Variants in VPS13C observed in about 807,000 individuals in gnomAD.
VPS13C encodes vacuolar protein sorting 13 homolog C.
Under a neutral mutation model 456.8 loss-of-function variants are expected in VPS13C, and 358 were observed. The ratio of observed to expected loss-of-function variants is 0.78; its 90% CI spans 0.72 to 0.86. VPS13C has a LOEUF of 0.86. VPS13C is among the 40% of genes least tolerant of loss of function. The pLI is 0.00. For synonymous variants in VPS13C, 1,578 were observed against 1,486.7 expected, an observed-to-expected ratio of 1.06 and a Z score of -1.41; for missense variants, 4,818 against 4,385.4, an observed-to-expected ratio of 1.10 and a Z score of -2.79.
chr15:62,037,474 T>A, intron 3 of VPS13C, among the ~76,000 whole-genome samples: 3 of 108,486 alleles, frequency 2.8e-5, no homozygotes, highest in African/African-American at 5.1e-5. Context: ...TATAATAAAT[T>A]TATTATATTG....
At chr15:61,877,986 T>C (rs1021436133) in intron 74 of VPS13C, among the ~76,000 whole-genome samples, 2 of 148,538 alleles carry the variant, frequency 1.3e-5, no homozygotes, top group African/African-American at 4.8e-5. Context: ...ATTATTTTCA[T>C]TGATTTTGTT....
At chr15:61,894,136 T>C (rs1242791318) in intron 66 of VPS13C, among the ~76,000 whole-genome samples, 1 of 151,984 alleles carries the variant, frequency 6.6e-6, no homozygotes, top group East Asian at 1.9e-4. Flanking sequence ...TGAAACCCCA[T>C]CTCTACTAAA....
chr15:61,875,971 T>C (rs1895394919), intron 75 of VPS13C, 126 bp from the exon 76 acceptor site: 1 of 626,908 alleles, frequency 1.6e-6, no homozygotes, highest in African/African-American at 1.9e-5. Context: ...TATGGAATAA[T>C]CACCACTACC....
chr15:62,037,632 A>G (rs2048109567), intron 3 of VPS13C, among the ~76,000 whole-genome samples: 4 of 151,000 alleles, frequency 2.6e-5, no homozygotes, highest in Admixed American at 2.0e-4. Flanking sequence ...GAAGACAAAG[A>G]TATCACCTTC....
intron 7 of VPS13C, 27 bp downstream of exon 7, chr15:62,023,753 C>A: frequency 3.8e-6 from 6 of 1,587,416 alleles, no homozygotes; most frequent in Non-Finnish European, 5.2e-6. Context: ...ATAAACAACA[C>A]CATGGCATAA....
At chr15:62,029,308 G>A (rs1465991914) in intron 5 of VPS13C, among the ~76,000 whole-genome samples, 1 of 152,084 alleles carries the variant, frequency 6.6e-6, no homozygotes, top group African/African-American at 2.4e-5. Flanking sequence ...TACTTTCACT[G>A]TCATTACCAT....
chr15:61,871,437 A>G (rs1895024492), intron 79 of VPS13C, among the ~76,000 whole-genome samples: 1 of 152,048 alleles, frequency 6.6e-6, no homozygotes. Context: ...TCTGAACTCT[A>G]TTTCTGAATA....
In VPS13C at chr15:61,930,871, A is replaced by T. The variant is rs76999090; in HGVS notation, c.6038+219T>A. Reference sequence around the variant, plus strand: ...CTCATTTTCTCTTAGTTCCCATTCTAAATATGTTACTCCATTTTATAATTA... The same window carrying T: ...CTCATTTTCTCTTAGTTCCCATTCTTAATATGTTACTCCATTTTATAATTA... On this transcript the variant is annotated intron_variant, in intron 50 of 84. Transcript: ENST00000644861. Among the ~76,000 whole-genome samples the T allele has an allele frequency of 3.2e-3, 490 of 152,286 alleles. 2 individuals carry two copies. Among genetic ancestry groups the T allele is most frequent in the African/African-American group, 0.011 (475 of 41,550 alleles).
At chr15:62,007,713 G>A (rs1434249195) in intron 14 of VPS13C, among the ~76,000 whole-genome samples, 1 of 152,216 alleles carries the variant, frequency 6.6e-6, no homozygotes, top group Non-Finnish European at 1.5e-5. Context: ...AAAACGACAT[G>A]TGGGAAATAG....
At chr15:61,869,291 T>C (rs897938257) in intron 80 of VPS13C, among the ~76,000 whole-genome samples, 1 of 152,052 alleles carries the variant, frequency 6.6e-6, no homozygotes, top group African/African-American at 2.4e-5. Context: ...CTAATTTTTG[T>C]ATTTTTAGTA....
At chr15:61,888,885 T>C (rs1392386211) in intron 67 of VPS13C, among the ~76,000 whole-genome samples, 2 of 152,156 alleles carry the variant, frequency 1.3e-5, no homozygotes, top group Non-Finnish European at 2.9e-5. Context: ...GACAATAATG[T>C]AGTATCAATA....
rs1444182583 is a variant in VPS13C, at chr15:61,883,311, A to C, written c.9484-575T>G. 2.0e-5 allele frequency among the ~76,000 whole-genome samples: 3 copies of C among 151,700 alleles called. No individual in the cohort carries two copies. The East Asian group carries it at 5.8e-4, about 29-fold the overall frequency. On this transcript the variant is annotated intron_variant, in intron 68 of 84. Transcript: ENST00000644861. Reference sequence around the variant, plus strand: ...CTCAGCCTCCTAAAGTACTGGGATTACAGGTGTGAGCCACTGCACCTGGCC... The same window carrying C: ...CTCAGCCTCCTAAAGTACTGGGATTCCAGGTGTGAGCCACTGCACCTGGCC...
chr15:61,917,218 T>C lies in VPS13C; in HGVS notation c.8055+123A>G, dbSNP rs1032064252. On this transcript the variant is annotated intron_variant, in intron 60 of 84. Transcript: ENST00000644861. ...CCAGTTTTTGCTATCATTAACATTA[T>C]GAAGGCATTACACATTACACATACG... The C allele has an allele frequency of 3.4e-5, 34 of 1,012,466 alleles. No homozygotes were observed. In the African/African-American group the frequency reaches 5.4e-4, roughly 16 times the overall value. 62.7% of individuals were successfully genotyped at this position (1,012,466 alleles called of 1,614,324 possible).
At chr15:61,876,828 T>C (rs1895458669) in intron 75 of VPS13C, 145 bp downstream of exon 75, 1 of 538,582 alleles carries the variant, frequency 1.9e-6, no homozygotes, top group African/African-American at 2.0e-5. Flanking sequence ...GAAACAGAAA[T>C]TAATCATTGA....
chr15:61,860,418 A>T (rs1894156315), intron 82 of VPS13C, among the ~76,000 whole-genome samples: 1 of 152,178 alleles, frequency 6.6e-6, no homozygotes, highest in Non-Finnish European at 1.5e-5. Context: ...CTGAAAAATG[A>T]CTTGGCGATA....
chr15:61,922,216 C>T (rs764642349), intron 54 of VPS13C, among the ~76,000 whole-genome samples, 181 bp downstream of exon 54: 1 of 152,022 alleles, frequency 6.6e-6, no homozygotes, highest in Non-Finnish European at 1.5e-5. Context: ...AATTATTTAG[C>T]AAATCAATCT....
chr15:61,900,302 A>T (rs2140109788), intron 66 of VPS13C, among the ~76,000 whole-genome samples: 1 of 152,360 alleles, frequency 6.6e-6, no homozygotes, highest in Non-Finnish European at 1.5e-5. Flanking sequence ...GTATTCAATT[A>T]GGAAAAGAGG....
rs1188207256 is a variant in VPS13C, at chr15:61,867,627, T to C, written c.10863+1032A>G. The C allele has an allele frequency of 5.3e-6, 6 of 1,130,178 alleles. No individual in the cohort carries two copies. In the East Asian group the frequency reaches 1.7e-4, roughly 32 times the overall value. 70.0% of individuals were successfully genotyped at this position (1,130,178 alleles called of 1,614,324 possible). A position where few individuals can be genotyped will look rare whatever the true frequency, so the allele number is the denominator to read the frequency against. On this transcript the variant is annotated intron_variant, in intron 81 of 84. Transcript: ENST00000644861. This position sits in a 1 kb window ranked among gnomAD's most constrained non-coding sequence, Gnocchi z 5.0. The stretch of plus-strand genomic sequence containing the variant: ...CCATAAGATAAAATTTTCGAAATGA[T>C]AGTAACAGTATCTGCTTCTGAGCTC...
chr15:61,959,212 C>G (rs905986041), intron 36 of VPS13C, among the ~76,000 whole-genome samples: 1 of 151,996 alleles, frequency 6.6e-6, no homozygotes, highest in African/African-American at 2.4e-5. Context: ...TATGCTAATA[C>G]ATAATTTATA....
Sources: allele counts gnomAD v4.1 joint callset (sites outside exome capture counted in the v4.1 genomes callset), GRCh38; gene constraint gnomAD v4.1.1; non-coding constraint Gnocchi (gnomAD v3.1); transcripts MANE v1.5; gene names NCBI Gene and HGNC (gene_info 2026-07-23, HGNC 2026-07-21).